KLHL1: variants seen among roughly 807,000 people sequenced by gnomAD.
The protein encoded by KLHL1 is kelch like family member 1, also known as kelch-like protein 1.
A neutral mutation model predicts 77.7 loss-of-function variants in KLHL1; 47 were observed. The observed-to-expected ratio is 0.60, with a 90% CI of 0.48 to 0.77. The LOEUF is 0.77. Among genes scored for constraint, KLHL1 ranks in the 30% least tolerant of loss-of-function variants. The probability of loss-of-function intolerance (pLI) is 0.00; values close to 1 mark genes in which losing one functional copy is unlikely to be tolerated. For synonymous variants in KLHL1, 360 were observed against 325.2 expected, an observed-to-expected ratio of 1.11 and a Z score of -1.15; for missense variants, 925 against 910.8, an observed-to-expected ratio of 1.02 and a Z score of -0.20.
At chr13:69,826,060 A>C (rs1878533077) in intron 6 of KLHL1, among the ~76,000 whole-genome samples, 1 of 152,186 alleles carries the variant, frequency 6.6e-6, no homozygotes, top group Non-Finnish European at 1.5e-5. Flanking sequence ...TAAGTGAACT[A>C]AACCAGTCAC....
chr13:69,917,405 T>C (rs1224988682), intron 4 of KLHL1, among the ~76,000 whole-genome samples: 1 of 152,062 alleles, frequency 6.6e-6, no homozygotes, highest in Non-Finnish European at 1.5e-5. Context: ...TGACTGTAAA[T>C]GTCTACTTTT....
In KLHL1 at chr13:69,790,055, A is replaced by T. The variant is rs150939865; in HGVS notation, c.1639+6683T>A. On this transcript the variant is annotated intron_variant, in intron 7 of 10. Coordinates refer to ENST00000377844, the MANE Select transcript of KLHL1 (RefSeq NM_020866.3). ...TAACTATCAAGCTTCTCTTGGTGTT[A>T]GCCACTTCTGACACATTTGGTCAAT... Among the ~76,000 whole-genome samples, 127 of 152,010 alleles carry T rather than the reference A, an allele frequency of 8.4e-4. 1 individual carries two copies. Among genetic ancestry groups the T allele is most frequent in the African/African-American group, 3.0e-3 (123 of 41,458 alleles).
At chr13:69,862,192 T>A (rs34929824) in intron 5 of KLHL1, among the ~76,000 whole-genome samples, 58,305 of 151,506 alleles carry the variant, frequency 0.38, 12,916 homozygotes, top group African/African-American at 0.62. Flanking sequence ...ATTACACATA[T>A]ATTATAATTA....
intron 10 of KLHL1, among the ~76,000 whole-genome samples, chr13:69,704,068 C>T (rs1399313834): frequency 6.6e-6 from 1 of 151,684 alleles, no homozygotes; most frequent in African/African-American, 2.4e-5. Flanking sequence ...ATACTCAGTA[C>T]TGTGTACTGG....
chr13:69,876,651 AAC>A (rs112038205), intron 5 of KLHL1, among the ~76,000 whole-genome samples: 2,601 of 152,176 alleles, frequency 0.017, 33 homozygotes, highest in Middle Eastern at 0.044. Flanking sequence ...AACACTCACA[AAC>A]ACACACACAC....
intron 6 of KLHL1, among the ~76,000 whole-genome samples, chr13:69,811,063 T>A (rs1291325697): frequency 6.6e-6 from 1 of 151,448 alleles, no homozygotes; most frequent in Non-Finnish European, 1.5e-5. Context: ...CTTGTACCAA[T>A]CTTACTGAAA....
chr13:70,107,926 G>C lies in KLHL1; in HGVS notation c.-227C>G. ...GTGGTCGGGTCCGCAGGACCTGGGC[G>C]TGGGGACACCACCAGGCAGGAGCAG... On this transcript the variant is annotated 5_prime_UTR_variant, in exon 1 of 11. Coordinates refer to ENST00000377844, the MANE Select transcript of KLHL1 (RefSeq NM_020866.3). The C allele has an allele frequency of 2.0e-6, 1 of 497,456 alleles. No homozygotes were observed. Among genetic ancestry groups the C allele is most frequent in the Non-Finnish European group, 3.5e-6 (1 of 284,294 alleles). The allele number at this position is 497,456 out of a possible 1,614,324, so 30.8% of individuals were successfully genotyped here.
intron 7 of KLHL1, among the ~76,000 whole-genome samples, chr13:69,757,718 G>T (rs569217470): frequency 1.6e-4 from 24 of 152,066 alleles, no homozygotes; most frequent in Non-Finnish European, 1.0e-4. Context: ...TTGGGAGGCC[G>T]AGGCCAGAGG....
In KLHL1 at chr13:69,982,476, T is replaced by TAATAATAATAA. The variant is rs1474122878; in HGVS notation, c.498-6675_498-6674insTTATTATTATT. Among the ~76,000 whole-genome samples the TAATAATAATAA allele has an allele frequency of 1.5e-3, 203 of 135,614 alleles. 1 individual carries two copies. Among genetic ancestry groups the TAATAATAATAA allele is most frequent in the African/African-American group, 5.2e-3 (185 of 35,774 alleles). 89.0% of individuals were successfully genotyped at this position (135,614 alleles called of 152,430 possible). On this transcript the variant is annotated intron_variant, in intron 1 of 10. Coordinates refer to ENST00000377844, the MANE Select transcript of KLHL1 (RefSeq NM_020866.3). ...ATAATAATAATAATAATAATAATAA[T>TAATAATAATAA]AATAAAATAAAAAGCAATAAATCAA... is the stretch of plus-strand genomic sequence containing the variant.
chr13:69,718,363 T>C (rs528869242), intron 9 of KLHL1, among the ~76,000 whole-genome samples: 1 of 152,154 alleles, frequency 6.6e-6, no homozygotes, highest in African/African-American at 2.4e-5. Flanking sequence ...TTTACTACTC[T>C]CTGGCTTTTT....
chr13:70,006,597 G>C (rs959551383), intron 1 of KLHL1, among the ~76,000 whole-genome samples: 2 of 151,530 alleles, frequency 1.3e-5, no homozygotes, highest in East Asian at 2.0e-4. Flanking sequence ...TTGTCCTGGG[G>C]CTTTCATTGT....
intron 1 of KLHL1, among the ~76,000 whole-genome samples, chr13:70,086,601 AGAAAGAAAGAAAGAAAG>A (rs1887547727): frequency 1.8e-4 from 7 of 39,274 alleles, no homozygotes; most frequent in Non-Finnish European, 3.5e-4. Context: ...AAAGAAAGAA[AGAAAGAAAGAAAGAAAG>A]AAAGAAAGAA....
At chr13:69,934,413 T>C (rs748357529) in intron 4 of KLHL1, among the ~76,000 whole-genome samples, 17 of 152,100 alleles carry the variant, frequency 1.1e-4, no homozygotes, top group Non-Finnish European at 2.5e-4. Context: ...TACATACATA[T>C]ATAGGCATAT....
intron 4 of KLHL1, among the ~76,000 whole-genome samples, chr13:69,889,348 T>C (rs2138206280): frequency 6.6e-6 from 1 of 152,148 alleles, no homozygotes; most frequent in African/African-American, 2.4e-5. Context: ...TTATCACAAC[T>C]TGTTATTTTA....
At chr13:69,732,507 T>C (rs1243010601) in intron 8 of KLHL1, among the ~76,000 whole-genome samples, 1 of 152,142 alleles carries the variant, frequency 6.6e-6, no homozygotes, top group Non-Finnish European at 1.5e-5. Flanking sequence ...CTCTCCTGTA[T>C]TTTCTGCTTT....
chr13:69,903,127 C>A (rs1881928111), intron 4 of KLHL1, among the ~76,000 whole-genome samples: 1 of 152,050 alleles, frequency 6.6e-6, no homozygotes, highest in Non-Finnish European at 1.5e-5. Context: ...CAGAAGCAAG[C>A]AGCCATGTCT....
chr13:69,746,444 T>C (rs906321691), intron 7 of KLHL1, among the ~76,000 whole-genome samples: 1 of 152,000 alleles, frequency 6.6e-6, no homozygotes, highest in African/African-American at 2.4e-5. Context: ...CACTAAGAAT[T>C]ATATAAACTC....
intron 1 of KLHL1, among the ~76,000 whole-genome samples, chr13:70,038,581 ATTTTTTTTT>A (rs55885952): frequency 1.4e-3 from 105 of 73,056 alleles, no homozygotes; most frequent in African/African-American, 5.3e-3. Flanking sequence ...ATTGTCATTA[ATTTTTTTTT>A]TTTTTTTTTT....
chr13:69,713,348 C>T (rs781262016), intron 9 of KLHL1, among the ~76,000 whole-genome samples: 17 of 151,904 alleles, frequency 1.1e-4, no homozygotes, highest in Non-Finnish European at 2.1e-4. Flanking sequence ...TGGTATTAGC[C>T]GTCATTTCTT....
Sources: gnomAD v4.1 joint callset for allele counts (sites outside exome capture counted in the v4.1 genomes callset) on GRCh38, gnomAD v4.1.1 for gene constraint, MANE v1.5 for transcripts, NCBI Gene and HGNC (gene_info 2026-07-23, HGNC 2026-07-21) for gene names.